DEPDC1B: variants seen among roughly 807,000 people sequenced by gnomAD.
DEPDC1B encodes the protein DEP domain containing 1B, also known as DEP domain-containing protein 1B.
DEPDC1B carries 51 observed loss-of-function variants against 66.5 expected under a neutral mutation model. That is an observed-to-expected ratio of 0.77 (90% confidence interval 0.61 to 0.97). The LOEUF is 0.97. Among genes scored for constraint, DEPDC1B ranks in the 50% least tolerant of loss-of-function variants. The probability of loss-of-function intolerance (pLI) is 0.00; values close to 1 mark genes in which losing one functional copy is unlikely to be tolerated. For synonymous variants in DEPDC1B, 226 were observed against 223.6 expected (o/e 1.01, Z -0.10); for missense variants, 552 against 637.1 (o/e 0.87, Z 1.44).
At chr5:60,658,847 G>A (rs368157818) in intron 2 of DEPDC1B, among the ~76,000 whole-genome samples, 8 of 152,130 alleles carry the variant, frequency 5.3e-5, no homozygotes, top group Admixed American at 2.6e-4. Flanking sequence ...TGTTTGTTAC[G>A]GCTCAAGCTG....
chr5:60,681,978 G>C (rs1754306353), intron 2 of DEPDC1B, among the ~76,000 whole-genome samples: 3 of 151,484 alleles, frequency 2.0e-5, no homozygotes, highest in Non-Finnish European at 2.9e-5. Flanking sequence ...TGAAAATTAA[G>C]GATTCAGTAA....
chr5:60,680,245 C>A (rs992214141), intron 2 of DEPDC1B, among the ~76,000 whole-genome samples: 21 of 152,168 alleles, frequency 1.4e-4, no homozygotes, highest in Non-Finnish European at 5.9e-5. Context: ...AAACCCAGAA[C>A]TCTTTCTAGT....
intron 6 of DEPDC1B, among the ~76,000 whole-genome samples, chr5:60,641,753 C>T (rs899593887): frequency 6.6e-6 from 1 of 152,070 alleles, no homozygotes; most frequent in Non-Finnish European, 1.5e-5. Flanking sequence ...ACTTCAAATG[C>T]CTGAGCAGGA....
rs1424715348 is a variant in DEPDC1B at position 60,642,807 on chromosome 5, C to G, written c.757+5G>C. On this transcript the variant is annotated splice_donor_5th_base_variant and intron_variant, in intron 6 of 10. Transcript: ENST00000265036. ...TCACAAAACTGGCAGATAATTAGTA[C>G]TTACAATTTGCCAAACACTTCATAG... 6.2e-7 allele frequency: 1 copy of G among 1,607,880 alleles called. No individual in the cohort carries two copies. Among genetic ancestry groups the G allele is most frequent in the Non-Finnish European group, 8.5e-7 (1 of 1,177,976 alleles).
intron 2 of DEPDC1B, among the ~76,000 whole-genome samples, chr5:60,678,310 T>TATCC (rs1754217885): frequency 6.6e-6 from 1 of 152,212 alleles, no homozygotes; most frequent in African/African-American, 2.4e-5. Flanking sequence ...GTACAATAGT[T>TATCC]ATCCATTCAC....
intron 7 of DEPDC1B, among the ~76,000 whole-genome samples, chr5:60,614,407 G>A (rs1223142325): frequency 6.6e-6 from 1 of 151,942 alleles, no homozygotes; most frequent in Admixed American, 6.6e-5. Context: ...TTGCTTTATT[G>A]CCTGGGCTAG....
intron 1 of DEPDC1B, chr5:60,689,150 C>A: frequency 2.3e-6 from 1 of 427,764 alleles, no homozygotes; most frequent in Admixed American, 2.6e-5. Context: ...TGGTTGAGAA[C>A]TAAAAAAAAT....
intron 7 of DEPDC1B, among the ~76,000 whole-genome samples, chr5:60,629,623 C>A (rs1264858927): frequency 6.6e-6 from 1 of 152,204 alleles, no homozygotes; most frequent in East Asian, 1.9e-4. Context: ...TGTTGAGAAC[C>A]TTTTCTTTTA....
rs376325230 is a variant in DEPDC1B at position 60,645,583 on chromosome 5, T to C, written c.487A>G (p.Ile163Val). ...AGACGGCAAGCTGGCACCTCTCCAA[T>C]TGCAATACTGTGACGCTTGTACCAC... ...EMWYKRHSIA[I>V]GEVPACRLVH... The change falls in exon 4 of 11, where the codon ATT becomes GTT. Residue 163 changes from isoleucine to valine, a missense_variant. Physicochemically the swap from Ile to Val is conservative, Grantham distance 29 (BLOSUM62 3). Transcript: ENST00000265036. 287 of 1,612,890 alleles carry C rather than the reference T, an allele frequency of 1.8e-4. No individual in the cohort carries two copies. Among genetic ancestry groups the C allele is most frequent in the Non-Finnish European group, 2.2e-4 (264 of 1,179,432 alleles).
At chr5:60,685,233 T>A (rs1754386685) in intron 2 of DEPDC1B, among the ~76,000 whole-genome samples, 2 of 152,146 alleles carry the variant, frequency 1.3e-5, no homozygotes, top group African/African-American at 4.8e-5. Flanking sequence ...ACTCATTAGC[T>A]CACTCTCAAT....
At chr5:60,624,206 T>C (rs2111797182) in intron 7 of DEPDC1B, among the ~76,000 whole-genome samples, 1 of 152,266 alleles carries the variant, frequency 6.6e-6, no homozygotes, top group South Asian at 2.1e-4. Context: ...CATTAATGGG[T>C]GTTGAATATT....
intron 1 of DEPDC1B, among the ~76,000 whole-genome samples, chr5:60,693,709 T>C (rs1396347362): frequency 1.3e-5 from 2 of 152,156 alleles, no homozygotes; most frequent in Non-Finnish European, 2.9e-5. Flanking sequence ...CATTTCACTA[T>C]ACCAAGTACC....
At chr5:60,634,731 GTATT>G (rs1286302952) in intron 7 of DEPDC1B, among the ~76,000 whole-genome samples, 1 of 151,078 alleles carries the variant, frequency 6.6e-6, no homozygotes, top group African/African-American at 2.4e-5. Context: ...AATAGCTTGT[GTATT>G]TAGTTACAGC....
intron 2 of DEPDC1B, among the ~76,000 whole-genome samples, chr5:60,650,000 T>C (rs1024611030): frequency 2.6e-5 from 4 of 151,922 alleles, no homozygotes; most frequent in Admixed American, 1.3e-4. Flanking sequence ...TGAAGATACA[T>C]AGTTACAAAG....
intron 10 of DEPDC1B, among the ~76,000 whole-genome samples, chr5:60,598,722 C>T (rs1004838980): frequency 6.6e-6 from 1 of 152,158 alleles, no homozygotes; most frequent in Non-Finnish European, 1.5e-5. Flanking sequence ...ATCTGATTTG[C>T]CTTTTGAAAA....
At chr5:60,609,668 A>G (rs1584024743) in intron 7 of DEPDC1B, among the ~76,000 whole-genome samples, 1 of 152,302 alleles carries the variant, frequency 6.6e-6, no homozygotes, top group South Asian at 2.1e-4. Context: ...CTAGATTTGA[A>G]CCACAGTTGA....
At chr5:60,622,135 G>C (rs1184592407) in intron 7 of DEPDC1B, among the ~76,000 whole-genome samples, 1 of 152,070 alleles carries the variant, frequency 6.6e-6, no homozygotes, top group Non-Finnish European at 1.5e-5. Context: ...AGCTCAGTGA[G>C]TTTTGACAAA....
intron 7 of DEPDC1B, among the ~76,000 whole-genome samples, chr5:60,606,781 CT>C (rs1314674695): frequency 0.029 from 4,117 of 143,480 alleles, 193 homozygotes; most frequent in African/African-American, 0.093. Flanking sequence ...AGACCTGTCT[CT>C]TTTTTTTTTT....
chr5:60,603,115 A>G (rs1752234904), intron 9 of DEPDC1B, among the ~76,000 whole-genome samples: 1 of 152,192 alleles, frequency 6.6e-6, no homozygotes, highest in Non-Finnish European at 1.5e-5. Flanking sequence ...CATTTCCATC[A>G]GTAGGTGTAT....
Sources: gnomAD v4.1 joint callset for allele counts (sites outside exome capture counted in the v4.1 genomes callset) on GRCh38, gnomAD v4.1.1 for gene constraint, MANE v1.5 for transcripts, NCBI Gene and HGNC (gene_info 2026-07-23, HGNC 2026-07-21) for gene names.